The following NARS2 variants were observed in gnomAD, a reference collection of about 807,000 sequenced individuals.
NARS2 encodes the protein asparaginyl-tRNA synthetase.
A neutral mutation model predicts 62.9 loss-of-function variants in NARS2; 60 were observed. That is an observed-to-expected ratio of 0.95 (90% CI 0.77 to 1.18). The LOEUF is 1.18. Ranked by LOEUF, NARS2 falls within the 50% of genes most tolerant of loss-of-function variation. The probability of loss-of-function intolerance (pLI) is 0.00; values close to 1 mark genes in which losing one functional copy is unlikely to be tolerated. For synonymous variants in NARS2, 196 were observed against 200.0 expected (o/e 0.98, Z 0.17); for missense variants, 619 against 576.4 (o/e 1.07, Z -0.76).
At chr11:78,441,036 A>G (rs1321537865) in intron 13 of NARS2, 55 bp downstream of exon 13, 7 of 1,544,376 alleles carry the variant, frequency 4.5e-6, no homozygotes, top group South Asian at 1.1e-5. Flanking sequence ...AAACGCTTCT[A>G]GGCAACAGTC....
intron 11 of NARS2, among the ~76,000 whole-genome samples, chr11:78,463,529 T>C (rs937387630): frequency 6.6e-6 from 1 of 151,712 alleles, no homozygotes; most frequent in Non-Finnish European, 1.5e-5. Context: ...CTACTAAAAA[T>C]ACAAAAATCT....
At chr11:78,453,708 G>C (rs1764248489) in intron 11 of NARS2, among the ~76,000 whole-genome samples, 1 of 152,180 alleles carries the variant, frequency 6.6e-6, no homozygotes, top group East Asian at 1.9e-4. Flanking sequence ...CAAACCATAG[G>C]AAACATGTTT....
intron 6 of NARS2, among the ~76,000 whole-genome samples, chr11:78,498,842 C>CATAT (rs142406823): frequency 6.8e-6 from 1 of 147,454 alleles, no homozygotes; most frequent in African/African-American, 2.5e-5. Context: ...CGACTATATA[C>CATAT]ATATATATAT....
chr11:78,512,335 C>A (rs748213511), intron 6 of NARS2, among the ~76,000 whole-genome samples: 1 of 152,160 alleles, frequency 6.6e-6, no homozygotes, highest in Non-Finnish European at 1.5e-5. Flanking sequence ...TTATTACCTG[C>A]CAGCTATTTC....
intron 5 of NARS2, 91 bp from the exon 6 acceptor site, chr11:78,529,027 T>C (rs1861392672): frequency 3.6e-6 from 3 of 833,754 alleles, no homozygotes; most frequent in East Asian, 2.5e-5. Flanking sequence ...AAAATCACAA[T>C]GCAATTAAAT....
At chr11:78,552,776 A>G (rs1218434428) in intron 5 of NARS2, among the ~76,000 whole-genome samples, 2 of 152,160 alleles carry the variant, frequency 1.3e-5, no homozygotes, top group East Asian at 3.9e-4. Flanking sequence ...ATGTCTCCCT[A>G]AAATGTATAA....
intron 6 of NARS2, among the ~76,000 whole-genome samples, chr11:78,495,704 T>C (rs953076941): frequency 5.9e-5 from 9 of 152,178 alleles, no homozygotes; most frequent in Non-Finnish European, 1.0e-4. Context: ...CTCAGATATA[T>C]GTCACTGACG....
chr11:78,467,141 C>G (rs1229415008), intron 10 of NARS2, among the ~76,000 whole-genome samples: 2 of 152,162 alleles, frequency 1.3e-5, no homozygotes, highest in African/African-American at 4.8e-5. Flanking sequence ...TTGGCAGTAT[C>G]TTAGTTACAG....
At chr11:78,543,575 A>C (rs1855717617) in intron 5 of NARS2, among the ~76,000 whole-genome samples, 3 of 151,444 alleles carry the variant, frequency 2.0e-5, no homozygotes, top group Admixed American at 2.0e-4. Flanking sequence ...CATTTGTAGG[A>C]AAAAAAATAA....
chr11:78,516,476 T>C lies in NARS2; in HGVS notation c.689+12366A>G, dbSNP rs144421617. 1.9e-3 allele frequency among the ~76,000 whole-genome samples: 296 copies of C among 152,346 alleles called. 3 individuals carry two copies. The highest frequency in any genetic ancestry group is 3.4e-3 in the Middle Eastern group (1 of 294). On this transcript the variant is annotated intron_variant, in intron 6 of 13. Transcript: ENST00000281038. ...TAGACAAGGCAAAATTTTCTTGACA[T>C]ATGCTCTTCTTGCCCTCAGGACAGT...
chr11:78,505,816 G>A (rs1264084766), intron 6 of NARS2, among the ~76,000 whole-genome samples: 2 of 152,018 alleles, frequency 1.3e-5, no homozygotes, highest in South Asian at 4.1e-4. Context: ...CAATCTTTTG[G>A]ACAGGATAAA....
chr11:78,494,630 G>C (rs1297101490), intron 6 of NARS2, among the ~76,000 whole-genome samples: 1 of 151,962 alleles, frequency 6.6e-6, no homozygotes, highest in Non-Finnish European at 1.5e-5. Flanking sequence ...ACCTTCCTAA[G>C]ACCATGATCT....
At chr11:78,509,583 A>C (rs4944203) in intron 6 of NARS2, among the ~76,000 whole-genome samples, 107,447 of 151,876 alleles carry the variant, frequency 0.71, 39,165 homozygotes, top group Non-Finnish European at 0.81. Context: ...TTGGTTGTAA[A>C]TCCACATTCT....
chr11:78,507,770 C>G (rs778761187), intron 6 of NARS2, among the ~76,000 whole-genome samples: 2 of 152,042 alleles, frequency 1.3e-5, no homozygotes, highest in African/African-American at 4.8e-5. Context: ...CCACCCACCT[C>G]GGCCTCCCAA....
At chr11:78,574,326 C>T in intron 1 of NARS2, 22 bp downstream of exon 1, 1 of 1,614,184 alleles carries the variant, frequency 6.2e-7, no homozygotes, top group East Asian at 2.2e-5. Flanking sequence ...AGAAAAAACC[C>T]ACTCCCTTCC....
intron 7 of NARS2, among the ~76,000 whole-genome samples, chr11:78,480,277 G>A (rs991935311): frequency 3.9e-5 from 6 of 151,924 alleles, no homozygotes; most frequent in African/African-American, 1.2e-4. Flanking sequence ...TTTATTTATT[G>A]TTTTTTTAGA....
intron 6 of NARS2, among the ~76,000 whole-genome samples, chr11:78,503,917 A>G (rs181190219): frequency 6.6e-6 from 1 of 152,344 alleles, no homozygotes; most frequent in Admixed American, 6.5e-5. Flanking sequence ...CATGAATACT[A>G]AAAATGAACA....
chr11:78,574,522 C>T lies in NARS2; in HGVS notation c.-34G>A. 1.3e-6 allele frequency: 2 copies of T among 1,570,276 alleles called. No homozygotes were observed. Among genetic ancestry groups the T allele is most frequent in the Non-Finnish European group, 1.7e-6 (2 of 1,160,416 alleles). On this transcript the variant is annotated 5_prime_UTR_variant, in exon 1 of 14. Coordinates refer to ENST00000281038, the MANE Select transcript of NARS2 (RefSeq NM_024678.6). Reference sequence around the variant, plus strand: ...CGCCCAGGCCCTCCGCGGGAGCAGCCCAGACCCCACGGTTCGAACCCCGCC... The same window carrying T: ...CGCCCAGGCCCTCCGCGGGAGCAGCTCAGACCCCACGGTTCGAACCCCGCC...
chr11:78,440,179 T>C (rs530960274), intron 13 of NARS2, among the ~76,000 whole-genome samples: 1 of 152,306 alleles, frequency 6.6e-6, no homozygotes, highest in African/African-American at 2.4e-5. Context: ...TTCTCCTGCC[T>C]CAGCCTCCCA....
Sources: allele counts gnomAD v4.1 joint callset (sites outside exome capture counted in the v4.1 genomes callset), GRCh38; gene constraint gnomAD v4.1.1; transcripts MANE v1.5; gene names NCBI Gene and HGNC (gene_info 2026-07-23, HGNC 2026-07-21).